FSD1L: variants seen among roughly 807,000 people sequenced by gnomAD.
FSD1L encodes FSD1-like protein.
FSD1L carries 45 observed loss-of-function variants against 71.6 expected under a neutral mutation model. The ratio of observed to expected loss-of-function variants is 0.63; its 90% CI spans 0.49 to 0.81. The LOEUF (loss-of-function observed/expected upper bound fraction) is 0.81, where lower values mean the gene tolerates loss of function less well. Among genes scored for constraint, FSD1L ranks in the 30% least tolerant of loss-of-function variants. The probability of loss-of-function intolerance (pLI) is 0.00; values close to 1 mark genes in which losing one functional copy is unlikely to be tolerated. For synonymous variants in FSD1L, 197 were observed against 207.2 expected, an observed-to-expected ratio of 0.95 and a Z score of 0.42; for missense variants, 561 against 618.1, an observed-to-expected ratio of 0.91 and a Z score of 0.98.
intron 10 of FSD1L, chr9:105,524,646 A>G (rs1357758797): frequency 2.0e-5 from 32 of 1,613,806 alleles, no homozygotes; most frequent in Non-Finnish European, 2.5e-5. Context: ...TGATCCTTTT[A>G]TGCATTTGGA....
intron 7 of FSD1L, among the ~76,000 whole-genome samples, chr9:105,488,058 G>A (rs1238813978): frequency 1.3e-5 from 2 of 152,054 alleles, no homozygotes; most frequent in African/African-American, 4.8e-5. Context: ...TTTACATTGG[G>A]GGTTCCCTCC....
At chr9:105,455,810 C>CACAT (rs1364963888) in intron 1 of FSD1L, among the ~76,000 whole-genome samples, 1 of 152,174 alleles carries the variant, frequency 6.6e-6, no homozygotes, top group East Asian at 1.9e-4. Flanking sequence ...CAGTGCCTGG[C>CACAT]ACATAGAAGG....
chr9:105,446,673 G>A (rs994801706), upstream of FSD1L, among the ~76,000 whole-genome samples: 8 of 149,736 alleles, frequency 5.3e-5, no homozygotes, highest in African/African-American at 2.0e-4. Context: ...CCTGGCCTAA[G>A]TTTTAATTTT....
Position 105,508,648 on chromosome 9 carries a change from C to T in FSD1L, c.828C>T (p.Phe276=). The change falls in exon 9 of 14, where the codon TTC becomes TTT. Residue 276 remains phenylalanine, a synonymous_variant. Transcript: ENST00000481272. ...AATTTGATTCAAAGTATATGAATTT[C>T]AGAGTGCGAGCTTGTAACAAGGCTG... is the stretch of plus-strand genomic sequence containing the variant. ...GLKFDSKYMN[F]RVRACNKAVA... 2 of 1,551,324 alleles carry T rather than the reference C, an allele frequency of 1.3e-6. No individual in the cohort carries two copies. The highest frequency in any genetic ancestry group is 1.7e-6 in the Non-Finnish European group (2 of 1,146,450).
intron 13 of FSD1L, 135 bp downstream of exon 13, chr9:105,539,486 A>G (rs1836470168): frequency 7.0e-6 from 3 of 431,000 alleles, no homozygotes; most frequent in Non-Finnish European, 8.1e-6. Flanking sequence ...CATTTCCCCA[A>G]TTCACCCTCT....
chr9:105,446,579 C>T (rs1829653568), upstream of FSD1L, among the ~76,000 whole-genome samples: 1 of 151,946 alleles, frequency 6.6e-6, no homozygotes, highest in Non-Finnish European at 1.5e-5. Context: ...CCATGTTGCC[C>T]AGGCTGGTCT....
chr9:105,507,950 T>G (rs1416127962), intron 8 of FSD1L, among the ~76,000 whole-genome samples: 1 of 149,268 alleles, frequency 6.7e-6, no homozygotes. Flanking sequence ...GGAGTGCAAT[T>G]GCACGATCTC....
intron 4 of FSD1L, among the ~76,000 whole-genome samples, chr9:105,469,371 A>G (rs1244901873): frequency 6.3e-5 from 5 of 79,638 alleles, no homozygotes; most frequent in Non-Finnish European, 9.9e-5. Context: ...TGGCTGCACT[A>G]TTTTACATCC....
intron 10 of FSD1L, among the ~76,000 whole-genome samples, chr9:105,528,315 G>A (rs540787496): frequency 1.3e-4 from 19 of 150,466 alleles, no homozygotes; most frequent in Middle Eastern, 3.4e-3. Flanking sequence ...GGAACCGCCC[G>A]CATAGAGAAG....
At chr9:105,520,585 A>C in intron 10 of FSD1L, 1 of 1,455,380 alleles carries the variant, frequency 6.9e-7, no homozygotes, top group South Asian at 1.1e-5. Context: ...TATTGGATTG[A>C]TTTAAAGAAG....
In FSD1L at chr9:105,521,761, C is replaced by T. The variant is rs552759081; in HGVS notation, c.1025+8825C>T. ...AATTCCAGTTGGGCAAAAAACGGCTCCTACCAAGGTGCTCTTCATAACACC... is the reference window on the plus strand; with the variant it reads ...AATTCCAGTTGGGCAAAAAACGGCTTCTACCAAGGTGCTCTTCATAACACC... On this transcript the variant is annotated intron_variant, in intron 10 of 13. Transcript: ENST00000481272. The T allele has an allele frequency of 2.5e-6, 4 of 1,612,922 alleles. No individual in the cohort carries two copies. In the African/African-American group the frequency reaches 5.3e-5, roughly 22 times the overall value.
intron 10 of FSD1L, chr9:105,513,533 C>T: frequency 1.5e-6 from 2 of 1,340,582 alleles, no homozygotes; most frequent in South Asian, 2.6e-5. Flanking sequence ...AATCTGATTT[C>T]ATTATAAGCT....
chr9:105,514,559 TG>T (rs1834589344), intron 10 of FSD1L, among the ~76,000 whole-genome samples: 1 of 152,164 alleles, frequency 6.6e-6, no homozygotes, highest in African/African-American at 2.4e-5. Context: ...TATGTAGAAT[TG>T]TAAGTGTGAA....
chr9:105,522,162 A>T, intron 10 of FSD1L: 1 of 1,614,028 alleles, frequency 6.2e-7, no homozygotes, highest in Non-Finnish European at 8.5e-7. Flanking sequence ...AAATGTGTAC[A>T]TCTCCCGAGA....
At chr9:105,516,726 G>A (rs1478796617) in intron 10 of FSD1L, among the ~76,000 whole-genome samples, 3 of 152,146 alleles carry the variant, frequency 2.0e-5, no homozygotes, top group East Asian at 1.9e-4. Context: ...AGAAACCAGC[G>A]CAAAAAGGCT....
chr9:105,526,102 C>T, intron 10 of FSD1L: 1 of 1,547,958 alleles, frequency 6.5e-7, no homozygotes, highest in Non-Finnish European at 8.9e-7. Context: ...ACCAGAGGTT[C>T]CCTTCTTTGG....
At chr9:105,491,397 G>T (rs1369781571) in intron 7 of FSD1L, among the ~76,000 whole-genome samples, 2 of 151,876 alleles carry the variant, frequency 1.3e-5, no homozygotes, top group Non-Finnish European at 2.9e-5. Flanking sequence ...GGAGATTTTG[G>T]GCTGAGACAA....
intron 10 of FSD1L, chr9:105,523,719 A>G (rs1835329485): frequency 1.3e-6 from 2 of 1,596,428 alleles, no homozygotes; most frequent in South Asian, 1.1e-5. Flanking sequence ...TGGTAATACA[A>G]TGAAAAGAAG....
chr9:105,488,017 T>C (rs1832668668), intron 7 of FSD1L, among the ~76,000 whole-genome samples: 2 of 152,194 alleles, frequency 1.3e-5, no homozygotes, highest in Non-Finnish European at 2.9e-5. Context: ...GAACCTACAC[T>C]GACACATCAT....
Sources: gnomAD v4.1 joint callset for allele counts (sites outside exome capture counted in the v4.1 genomes callset) on GRCh38, gnomAD v4.1.1 for gene constraint, MANE v1.5 for transcripts, NCBI Gene and HGNC (gene_info 2026-07-23, HGNC 2026-07-21) for gene names.